HCN4: variants seen among roughly 807,000 people sequenced by gnomAD.
HCN4 encodes hyperpolarization activated cyclic nucleotide gated potassium channel 4, also known as potassium/sodium hyperpolarization-activated cyclic nucleotide-gated channel 4.
A neutral mutation model predicts 76.9 loss-of-function variants in HCN4; 29 were observed. The ratio of observed to expected loss-of-function variants is 0.38; its 90% CI spans 0.28 to 0.51. The LOEUF is 0.51. Among genes scored for constraint, HCN4 ranks in the 20% least tolerant of loss-of-function variants. HCN4 has a pLI of 0.90. For synonymous variants in HCN4, 772 were observed against 762.5 expected (o/e 1.01, Z -0.21); for missense variants, 1,416 against 1,715.2 (o/e 0.83, Z 3.08).
In HCN4 at chr15:73,367,538, C is replaced by A; in HGVS notation, c.733G>T (p.Glu245Ter). 1 of 1,614,110 alleles carries A rather than the reference C, an allele frequency of 6.2e-7. No individual in the cohort carries two copies. Among genetic ancestry groups the A allele is most frequent in the Non-Finnish European group, 8.5e-7 (1 of 1,180,030 alleles). The change falls in exon 1 of 8, where the codon GAG (glutamate) becomes TAG (stop). Residue 245 changes from glutamate to a stop codon, truncating the protein, a stop_gained. Transcript: ENST00000261917. LOFTEE classifies it high-confidence loss of function. This position sits in a 1 kb window ranked among gnomAD's most constrained non-coding sequence, Gnocchi z 7.5. ...CAAAATCCGGCCGACTTGACCCTCT[C>A]CTGTTCGCGCTCCACGGCTTTCTGG... ...GSQKAVEREQ[E>*]RVKSAGFWII...
chr15:73,354,123 G>A (rs762266175), intron 1 of HCN4, among the ~76,000 whole-genome samples: 8 of 152,284 alleles, frequency 5.3e-5, no homozygotes, highest in South Asian at 2.1e-4. Context: ...GTTTACAGGC[G>A]GGTTGTTTGG....
In HCN4 at chr15:73,367,937, C is replaced by CGCCGCT; in HGVS notation, c.328_333dup (p.Ser110_Gly111dup). The CGCCGCT allele has an allele frequency of 7.4e-7, 1 of 1,355,992 alleles. No homozygotes were observed. The highest frequency in any genetic ancestry group is 2.0e-5 in the South Asian group (1 of 51,060). 84.0% of individuals were successfully genotyped at this position (1,355,992 alleles called of 1,614,324 possible). On this transcript the variant is annotated inframe_insertion, in exon 1 of 8. Transcript: ENST00000261917. This position sits in a 1 kb window ranked among gnomAD's most constrained non-coding sequence, Gnocchi z 7.5. ...CCGTGACTGCTGCCGCTCCCCGTGC[C>CGCCGCT]GCCGCTGCCGCCGCCCCGGCTGCCC... is the stretch of plus-strand genomic sequence containing the variant.
intron 1 of HCN4, among the ~76,000 whole-genome samples, chr15:73,350,121 C>T (rs767234059): frequency 6.6e-6 from 1 of 152,198 alleles, no homozygotes; most frequent in Admixed American, 6.5e-5. Context: ...AGTTGTGCTG[C>T]ACCTGTTTTT....
Position 73,367,766 on chromosome 15 carries a change from G to T in HCN4, c.505C>A (p.Gln169Lys). 1 of 1,516,104 alleles carries T rather than the reference G, an allele frequency of 6.6e-7. No homozygotes were observed. The highest frequency in any genetic ancestry group is 8.8e-7 in the Non-Finnish European group (1 of 1,139,146). The allele number at this position is 1,516,104 out of a possible 1,614,324, so 93.9% of individuals were successfully genotyped here. Residue 169 changes from glutamine to lysine, a missense_variant, in exon 1 of 8, where the codon CAG becomes AAG. Gln to Lys is a moderately conservative substitution (Grantham distance 53, BLOSUM62 1). Around this residue, in one of 6 missense-constraint regions of HCN4, gnomAD observed 355 missense variants for 347.8 expected, o/e 1.02. Coordinates refer to ENST00000261917, the MANE Select transcript of HCN4 (RefSeq NM_005477.3). The surrounding 1 kb of genome is among the most constrained non-coding windows in gnomAD (Gnocchi z 7.5). The stretch of plus-strand genomic sequence containing the variant: ...GCGGAGGCCGGCTGCGGTGGCTGCT[G>T]GGGCGGCGGCGGCGAGGCTGCGGGC... ...AQPAASPPPP[Q>K]QPPQPASASC... is the part of the protein sequence containing the mutation.
chr15:73,367,684 G>A lies in HCN4; in HGVS notation c.587C>T (p.Ala196Val), dbSNP rs200186692. The stretch of plus-strand genomic sequence containing the variant: ...GGCCTCCGGGAGGATCTGGTCGCCG[G>A]CAGCCGCGCCTCCCTCCACTTTGAT... ...TAIKVEGGAA[A>V]GDQILPEAEV... is the part of the protein sequence containing the mutation. The change falls in exon 1 of 8, where the codon GCC (alanine) becomes GTC (valine). Residue 196 changes from alanine to valine, a missense_variant. This residue lies in a region of HCN4 where 355 missense variants were observed against 347.8 expected (regional missense o/e 1.02). Transcript: ENST00000261917. This position sits in a 1 kb window ranked among gnomAD's most constrained non-coding sequence, Gnocchi z 7.5. 6.2e-7 allele frequency: 1 copy of A among 1,600,216 alleles called. No individual in the cohort carries two copies. Among genetic ancestry groups the A allele is most frequent in the Admixed American group, 1.7e-5 (1 of 59,854 alleles).
At position 73,325,070 on chromosome 15, in the gene HCN4, G is replaced by A. The variant is rs1411900991; in HGVS notation, c.1863C>T (p.Tyr621=). Residue 621 remains tyrosine (Y), a synonymous_variant, in exon 6 of 8, where the codon TAC becomes TAT. Transcript: ENST00000261917. This position sits in a 1 kb window ranked among gnomAD's most constrained non-coding sequence, Gnocchi z 7.4. ...LRFEVFQPGD[Y]IIREGTIGKK... ...TGCCAATGGTGCCTTCCCGGATGAT[G>A]TAGTCCCCAGGCTGGAAGACCTCGA... The A allele has an allele frequency of 1.9e-6, 3 of 1,614,242 alleles. No individual in the cohort carries two copies. In the South Asian group the frequency reaches 3.3e-5, roughly 18 times the overall value.
At position 73,329,685 on chromosome 15, in the gene HCN4, C is replaced by T; in HGVS notation, c.1478G>A (p.Trp493Ter). The T allele has an allele frequency of 6.2e-7, 1 of 1,614,168 alleles. No individual in the cohort carries two copies. Among genetic ancestry groups the T allele is most frequent in the Non-Finnish European group, 8.5e-7 (1 of 1,180,004 alleles). Residue 493 changes from tryptophan to a stop codon, truncating the protein, a stop_gained, in exon 4 of 8, where the codon TGG becomes TAG. Transcript: ENST00000261917. LOFTEE classifies it high-confidence loss of function. ...RQAPVGMSDVWLTMLSMIVGA... is the reference protein window; with the variant it reads ...RQAPVGMSDV ...CACGATCATGCTGAGCATGGTGAGC[C>T]AGACGTCGGACATGCCCACGGGCGC... is the stretch of plus-strand genomic sequence containing the variant.
rs779280505 is a variant in HCN4 at position 73,325,204 on chromosome 15, CAG to C, written c.1738-11_1738-10del. ...TTAAAGTTGATGATCTCCTGCCGGACAGGGTGGATTGGGACACGGGAAGGAGG... is the reference window on the plus strand; with the variant it reads ...TTAAAGTTGATGATCTCCTGCCGGACGGTGGATTGGGACACGGGAAGGAGG... On this transcript the variant is annotated splice_polypyrimidine_tract_variant and intron_variant, in intron 5 of 7. Transcript: ENST00000261917. This position sits in a 1 kb window ranked among gnomAD's most constrained non-coding sequence, Gnocchi z 7.4. 6.2e-7 allele frequency: 1 copy of C among 1,614,062 alleles called. No individual in the cohort carries two copies. Among genetic ancestry groups the C allele is most frequent in the Admixed American group, 1.7e-5 (1 of 60,018 alleles).
intron 1 of HCN4, among the ~76,000 whole-genome samples, chr15:73,346,149 T>C (rs1232208001): frequency 6.6e-6 from 1 of 152,170 alleles, no homozygotes; most frequent in African/African-American, 2.4e-5. Flanking sequence ...TGGATCATTC[T>C]TTCCCACAAA....
chr15:73,345,871 G>A (rs965725834), intron 1 of HCN4, among the ~76,000 whole-genome samples: 1 of 152,150 alleles, frequency 6.6e-6, no homozygotes, highest in East Asian at 1.9e-4. Flanking sequence ...TTAACAGAGC[G>A]GGTGCAAGGC....
chr15:73,352,553 T>C (rs939531418), intron 1 of HCN4, among the ~76,000 whole-genome samples: 1 of 152,070 alleles, frequency 6.6e-6, no homozygotes, highest in Non-Finnish European at 1.5e-5. Context: ...TCTGACAGGA[T>C]GGGATGAGAG....
At position 73,320,303 on chromosome 15, in the gene HCN4, T is replaced by C. The variant is rs769180931; in HGVS notation, c.*2178A>G. On this transcript the variant is annotated 3_prime_UTR_variant, in exon 8 of 8. Coordinates refer to ENST00000261917, the MANE Select transcript of HCN4 (RefSeq NM_005477.3). ...TACTAGGCGGCGTCTAGTCTTTACC[T>C]AAGATCCCAGGAACCTTCACCCACT... 1.3e-5 allele frequency: 2 copies of C among 152,428 alleles called. No homozygotes were observed. Among genetic ancestry groups the C allele is most frequent in the Non-Finnish European group, 2.9e-5 (2 of 68,222 alleles). The allele number at this position is 152,428 out of a possible 1,614,324, so 9.4% of individuals were successfully genotyped here. A position where few individuals can be genotyped will look rare whatever the true frequency, so the allele number is the denominator to read the frequency against.
chr15:73,355,303 CTG>C (rs1156267271), intron 1 of HCN4, among the ~76,000 whole-genome samples: 3 of 152,244 alleles, frequency 2.0e-5, no homozygotes, highest in African/African-American at 7.2e-5. Context: ...CTTCCTCTCA[CTG>C]TCTCTTCCTC....
chr15:73,331,589 C>T (rs557653264), intron 3 of HCN4, among the ~76,000 whole-genome samples: 48 of 152,286 alleles, frequency 3.2e-4, no homozygotes, highest in Non-Finnish European at 5.9e-4. Flanking sequence ...TGCCACCACA[C>T]CAGCTAGTTT....
chr15:73,335,873 C>A (rs8030574), intron 2 of HCN4, among the ~76,000 whole-genome samples: 99,036 of 151,760 alleles, frequency 0.65, 34,372 homozygotes, highest in Non-Finnish European at 0.76. Context: ...GGTCTCGGGG[C>A]AGTACCCTTA....
chr15:73,362,733 C>T (rs1446835324), intron 1 of HCN4, among the ~76,000 whole-genome samples: 3 of 152,180 alleles, frequency 2.0e-5, no homozygotes, highest in Non-Finnish European at 4.4e-5. Flanking sequence ...CAGGCAGCTA[C>T]CTGGCAGCCC....
intron 2 of HCN4, among the ~76,000 whole-genome samples, chr15:73,336,792 C>T (rs1358149254): frequency 6.6e-6 from 1 of 152,162 alleles, no homozygotes; most frequent in Non-Finnish European, 1.5e-5. Context: ...CTCCCCGCCC[C>T]TCCAAGCCAC....
chr15:73,329,028 A>G (rs2042916256), intron 4 of HCN4, among the ~76,000 whole-genome samples: 2 of 152,164 alleles, frequency 1.3e-5, no homozygotes, highest in African/African-American at 4.8e-5. Flanking sequence ...GATGCTGTGC[A>G]GGCCCCACTG....
Position 73,367,584 on chromosome 15 carries a change from G to C in HCN4, c.687C>G (p.Phe229Leu). The change falls in exon 1 of 8, where the codon TTC becomes TTG. Residue 229 changes from phenylalanine (F) to leucine (L), a missense_variant. Around this residue, in one of 6 missense-constraint regions of HCN4, gnomAD observed 52 missense variants for 129.1 expected, o/e 0.40. Transcript: ENST00000261917. The surrounding 1 kb of genome is among the most constrained non-coding windows in gnomAD (Gnocchi z 7.5). ...GAMLQPGVNK[F>L]SLRMFGSQKA... is the part of the protein sequence containing the mutation. ...TCTGGCTGCCGAACATCCTTAGGGA[G>C]AATTTGTTGACCCCGGGTTGGAGCA... The C allele has an allele frequency of 6.2e-7, 1 of 1,613,918 alleles. No individual in the cohort carries two copies. The highest frequency in any genetic ancestry group is 8.5e-7 in the Non-Finnish European group (1 of 1,180,028).
Sources: gnomAD v4.1 joint callset for allele counts (sites outside exome capture counted in the v4.1 genomes callset) on GRCh38, gnomAD v4.1.1 for gene constraint, gnomAD v4.1.1 regional missense constraint, Gnocchi (gnomAD v3.1) non-coding constraint, MANE v1.5 for transcripts, NCBI Gene and HGNC (gene_info 2026-07-23, HGNC 2026-07-21) for gene names.